The following KAT6B variants were observed in gnomAD, a reference collection of about 807,000 sequenced individuals.
KAT6B encodes the protein histone acetyltransferase KAT6B.
Under a neutral mutation model 187.5 loss-of-function variants are expected in KAT6B, and 10 were observed. That is an observed-to-expected ratio of 0.05 (90% CI 0.03 to 0.09). KAT6B has a LOEUF of 0.09. Ranked by LOEUF, KAT6B falls within the 10% of genes least tolerant of loss-of-function variation. KAT6B has a pLI of 1.00. For missense variants in KAT6B, 1,952 were observed against 2,558.9 expected (o/e 0.76, Z 5.12); for synonymous variants, 861 against 926.8 (o/e 0.93, Z 1.29).
At chr10:74,905,679 G>C (rs1202929024) in intron 3 of KAT6B, among the ~76,000 whole-genome samples, 1 of 152,250 alleles carries the variant, frequency 6.6e-6, no homozygotes, top group South Asian at 2.1e-4. Context: ...GGCACTAGCG[G>C]TGGATTAAGG....
intron 1 of KAT6B, among the ~76,000 whole-genome samples, chr10:74,832,727 T>C: frequency 6.6e-6 from 1 of 151,828 alleles, no homozygotes; most frequent in East Asian, 2.0e-4. Context: ...CTCAAACTCC[T>C]GACCTCAGGT....
rs984943214 is a variant in KAT6B at position 75,031,286 on chromosome 10, C to A, written c.*240C>A. On this transcript the variant is annotated 3_prime_UTR_variant, in exon 18 of 18. Coordinates refer to ENST00000287239, the MANE Select transcript of KAT6B (RefSeq NM_012330.4). ...ATTTCTGTTACTTTTATATAAAATT[C>A]TCTGCAAAGGAAGGCCTCTCTTTGG... The A allele has an allele frequency of 1.1e-4, 59 of 516,872 alleles. No homozygotes were observed. The highest frequency in any genetic ancestry group is 2.0e-4 in the Admixed American group (6 of 30,356). The allele number at this position is 516,872 out of a possible 1,614,324, so 32.0% of individuals were successfully genotyped here. A position where few individuals can be genotyped will look rare whatever the true frequency, so the allele number is the denominator to read the frequency against.
chr10:74,865,465 G>A (rs1198392093), intron 3 of KAT6B, among the ~76,000 whole-genome samples: 3 of 151,208 alleles, frequency 2.0e-5, no homozygotes, highest in South Asian at 4.2e-4. Flanking sequence ...AAACCAAAGT[G>A]TGCCTCAATC....
intron 3 of KAT6B, among the ~76,000 whole-genome samples, chr10:74,902,651 G>A (rs1846480936): frequency 6.6e-6 from 1 of 151,994 alleles, no homozygotes; most frequent in South Asian, 2.1e-4. Flanking sequence ...GAATCATAGT[G>A]GTAACATTTT....
At chr10:74,975,376 C>T in intron 7 of KAT6B, 23 bp from the exon 8 acceptor site, 1 of 1,592,778 alleles carries the variant, frequency 6.3e-7, no homozygotes, top group Non-Finnish European at 8.6e-7. Flanking sequence ...AATGCTGATA[C>T]TATTCTCTAA....
chr10:74,828,862 C>T (rs1330539402), intron 1 of KAT6B, among the ~76,000 whole-genome samples: 1 of 151,956 alleles, frequency 6.6e-6, no homozygotes, highest in Non-Finnish European at 1.5e-5. Context: ...CCACCGCGCC[C>T]GGCCATTCAT....
intron 3 of KAT6B, among the ~76,000 whole-genome samples, chr10:74,922,683 A>C (rs1848221194): frequency 6.6e-6 from 1 of 152,200 alleles, no homozygotes; most frequent in Non-Finnish European, 1.5e-5. Context: ...TTTTTAACTT[A>C]CATAGCGTTA....
intron 3 of KAT6B, among the ~76,000 whole-genome samples, chr10:74,944,819 A>AAC (rs1218566158): frequency 1.3e-5 from 2 of 150,670 alleles, no homozygotes; most frequent in African/African-American, 4.9e-5. Flanking sequence ...AAAAAAAAAA[A>AAC]AAAAAAAAAA....
chr10:74,997,072 G>C (rs1381152451), intron 13 of KAT6B, among the ~76,000 whole-genome samples: 2 of 151,710 alleles, frequency 1.3e-5, no homozygotes, highest in Admixed American at 1.3e-4. Context: ...ATAGAGAAAT[G>C]GGCAGAGGAT....
At chr10:74,965,683 A>G (rs1262346126) in intron 4 of KAT6B, among the ~76,000 whole-genome samples, 7 of 151,838 alleles carry the variant, frequency 4.6e-5, no homozygotes, top group Admixed American at 3.3e-4. Flanking sequence ...TCGGGGTATC[A>G]GCAGGGCTGG....
At chr10:74,947,095 GTTCAA>G (rs1840006796) in intron 3 of KAT6B, among the ~76,000 whole-genome samples, 1 of 152,108 alleles carries the variant, frequency 6.6e-6, no homozygotes, top group Non-Finnish European at 1.5e-5. Context: ...CACCCCCTGA[GTTCAA>G]GCAGTTCTGC....
At chr10:75,018,331 A>G (rs993472976) in intron 13 of KAT6B, among the ~76,000 whole-genome samples, 124 of 152,342 alleles carry the variant, frequency 8.1e-4, no homozygotes, top group African/African-American at 2.6e-3. Flanking sequence ...ACTATCAGTC[A>G]TAGCCTGAAG....
In KAT6B at chr10:74,969,687, C is replaced by T. The variant is rs377149439; in HGVS notation, c.758C>T (p.Pro253Leu). The stretch of plus-strand genomic sequence containing the variant: ...CACCCATCCTGTTTGAAATTTTGTC[C>T]TGAATTAACAACAAATGTAAAGGCC... Reference protein sequence around the residue: ...SGHPSCLKFCPELTTNVKALR... With the variant: ...SGHPSCLKFCLELTTNVKALR... The change falls in exon 5 of 18, where the codon CCT becomes CTT. Residue 253 changes from proline (P) to leucine (L), a missense_variant. Pro to Leu is a moderately conservative substitution (Grantham distance 98). This residue lies in a region of KAT6B where 24 missense variants were observed against 42.7 expected (regional missense o/e 0.56). Transcript: ENST00000287239. The T allele has an allele frequency of 3.1e-6, 5 of 1,613,542 alleles. No individual in the cohort carries two copies. The highest frequency in any genetic ancestry group is 4.2e-6 in the Non-Finnish European group (5 of 1,179,618).
intron 3 of KAT6B, among the ~76,000 whole-genome samples, chr10:74,954,042 A>C (rs779589998): frequency 6.6e-6 from 1 of 152,194 alleles, no homozygotes; most frequent in Non-Finnish European, 1.5e-5. Context: ...AAGTCCTTAG[A>C]GATTAACTCT....
chr10:74,871,557 CATGGTGGCTA>C (rs1022607767), intron 3 of KAT6B, among the ~76,000 whole-genome samples: 3 of 152,260 alleles, frequency 2.0e-5, no homozygotes, highest in African/African-American at 7.2e-5. Flanking sequence ...ACAAGCTGGG[CATGGTGGCTA>C]ATGCCTATAA....
intron 1 of KAT6B, among the ~76,000 whole-genome samples, chr10:74,831,836 T>A (rs1840886353): frequency 6.6e-6 from 1 of 152,222 alleles, no homozygotes; most frequent in African/African-American, 2.4e-5. Flanking sequence ...AACAGAGACT[T>A]AGATTGATTT....
At chr10:74,903,125 T>C (rs1237155947) in intron 3 of KAT6B, among the ~76,000 whole-genome samples, 1 of 152,212 alleles carries the variant, frequency 6.6e-6, no homozygotes, top group Non-Finnish European at 1.5e-5. Flanking sequence ...AAGGGTCTCC[T>C]GTAGGAAGCT....
intron 13 of KAT6B, among the ~76,000 whole-genome samples, chr10:75,013,153 A>G (rs1000759839): frequency 6.6e-6 from 1 of 152,074 alleles, no homozygotes; most frequent in Non-Finnish European, 1.5e-5. Context: ...CTTGTTGAAT[A>G]TTTGAGTCTT....
upstream of KAT6B, among the ~76,000 whole-genome samples, chr10:74,825,995 C>T (rs907539032): frequency 3.3e-5 from 5 of 151,558 alleles, no homozygotes; most frequent in African/African-American, 1.2e-4. This position sits in a 1 kb window ranked among gnomAD's most constrained non-coding sequence, Gnocchi z 5.0. Context: ...CACACTCCAC[C>T]GAAGGAGCTG....
Sources: gnomAD v4.1 joint callset for allele counts (sites outside exome capture counted in the v4.1 genomes callset) on GRCh38, gnomAD v4.1.1 for gene constraint, gnomAD v4.1.1 regional missense constraint, Gnocchi (gnomAD v3.1) non-coding constraint, MANE v1.5 for transcripts, NCBI Gene and HGNC (gene_info 2026-07-23, HGNC 2026-07-21) for gene names.